The following GADL1 variants were observed in gnomAD, a reference collection of about 807,000 sequenced individuals.
GADL1 encodes the protein acidic amino acid decarboxylase GADL1.
Under a neutral mutation model 69.5 loss-of-function variants are expected in GADL1, and 71 were observed. That is an observed-to-expected ratio of 1.02 (90% CI 0.84 to 1.25). The LOEUF is 1.25. Among genes scored for constraint, GADL1 ranks in the 50% most tolerant of loss-of-function variants. The pLI, the probability that GADL1 is intolerant of heterozygous loss-of-function variation, is 0.00. For synonymous variants in GADL1, 254 were observed against 214.4 expected (o/e 1.18, Z -1.62); for missense variants, 737 against 631.8 (o/e 1.17, Z -1.79).
intron 11 of GADL1, among the ~76,000 whole-genome samples, chr3:30,818,604 A>T (rs1407151152): frequency 2.0e-5 from 3 of 152,198 alleles, no homozygotes; most frequent in East Asian, 1.9e-4. Flanking sequence ...ACCTCATTAA[A>T]TTTGAATTTC....
chr3:30,873,953 T>C (rs1339742179), intron 1 of GADL1, among the ~76,000 whole-genome samples: 2 of 151,918 alleles, frequency 1.3e-5, no homozygotes, highest in Non-Finnish European at 2.9e-5. Flanking sequence ...CTAAATGTGA[T>C]TGGAAAGTAC....
chr3:30,732,970 G>T (rs1575177106), intron 14 of GADL1, among the ~76,000 whole-genome samples: 1 of 152,168 alleles, frequency 6.6e-6, no homozygotes, highest in South Asian at 2.1e-4. Flanking sequence ...GGCACGGGAC[G>T]CAGGGGTTGT....
intron 6 of GADL1, among the ~76,000 whole-genome samples, chr3:30,848,852 G>T (rs545362617): frequency 6.6e-6 from 1 of 152,124 alleles, no homozygotes; most frequent in African/African-American, 2.4e-5. Context: ...CAACTACTGC[G>T]TGGTTGCTGG....
chr3:30,860,931 T>C (rs1268885144), intron 2 of GADL1, among the ~76,000 whole-genome samples: 2 of 151,958 alleles, frequency 1.3e-5, no homozygotes, highest in Non-Finnish European at 2.9e-5. Context: ...GTATCTGCCT[T>C]TTAGTGCTTT....
At chr3:30,831,821 G>A (rs1208084844) in intron 11 of GADL1, among the ~76,000 whole-genome samples, 1 of 151,944 alleles carries the variant, frequency 6.6e-6, no homozygotes, top group Non-Finnish European at 1.5e-5. Context: ...TAGGCAAGAA[G>A]AGAAGGAGGC....
chr3:30,751,652 T>A (rs1239772217), intron 14 of GADL1, among the ~76,000 whole-genome samples: 1 of 152,106 alleles, frequency 6.6e-6, no homozygotes, highest in Non-Finnish European at 1.5e-5. Flanking sequence ...TTTGAGGAAT[T>A]ATCTCCCTAT....
chr3:30,788,762 GCTCA>G (rs1218930347), intron 12 of GADL1, among the ~76,000 whole-genome samples: 1 of 152,080 alleles, frequency 6.6e-6, no homozygotes, highest in African/African-American at 2.4e-5. Flanking sequence ...TTCACAACAT[GCTCA>G]CTGAGTAGAT....
intron 11 of GADL1, among the ~76,000 whole-genome samples, chr3:30,805,616 CAA>C (rs1453378764): frequency 6.6e-6 from 1 of 151,880 alleles, no homozygotes; most frequent in East Asian, 1.9e-4. Flanking sequence ...TTCTCCTGAC[CAA>C]GATTAGCCAA....
intron 11 of GADL1, among the ~76,000 whole-genome samples, chr3:30,824,730 T>C (rs1199903697): frequency 6.6e-6 from 1 of 151,762 alleles, no homozygotes; most frequent in Non-Finnish European, 1.5e-5. Context: ...ATTCAAAAAC[T>C]AAAGTAAATT....
At chr3:30,758,159 A>G (rs1696024377) in intron 14 of GADL1, among the ~76,000 whole-genome samples, 1 of 152,166 alleles carries the variant, frequency 6.6e-6, no homozygotes, top group Non-Finnish European at 1.5e-5. Context: ...ACCATCAAAC[A>G]TCATGCCTTG....
chr3:30,771,110 T>G lies in GADL1; in HGVS notation c.1392+7069A>C, dbSNP rs143152309. Among the ~76,000 whole-genome samples, 406 of 152,290 alleles carry G rather than the reference T, an allele frequency of 2.7e-3. 2 individuals are homozygous for G. The highest frequency in any genetic ancestry group is 8.9e-3 in the African/African-American group (372 of 41,574). On this transcript the variant is annotated intron_variant, in intron 14 of 14. Transcript: ENST00000282538. ...GTTGGTTGGAATTGTATAAATCCAG[T>G]GGAGTATATTTAGAAAGACAATAAT... is the stretch of plus-strand genomic sequence containing the variant.
intron 14 of GADL1, among the ~76,000 whole-genome samples, chr3:30,739,948 A>G (rs57031138): frequency 0.089 from 13,499 of 152,218 alleles, 1,601 homozygotes; most frequent in African/African-American, 0.27. Context: ...TTTGATTTGC[A>G]CATTTTGAGA....
intron 11 of GADL1, among the ~76,000 whole-genome samples, chr3:30,816,169 T>G (rs1697465863): frequency 6.6e-6 from 1 of 152,040 alleles, no homozygotes; most frequent in Admixed American, 6.6e-5. Context: ...TAGAGGAATT[T>G]GCGATATGTA....
chr3:30,862,940 T>C (rs921372047), intron 1 of GADL1, among the ~76,000 whole-genome samples: 4 of 151,874 alleles, frequency 2.6e-5, no homozygotes, highest in Non-Finnish European at 2.9e-5. Context: ...CCAAGAAATG[T>C]AAATGTAACC....
Position 30,782,653 on chromosome 3 carries a change from C to G in GADL1, c.1302+3702G>C, listed in dbSNP as rs188674614. ...CAAAGAGGCTATTGATAACAAAGTT[C>G]TGAATGTGAAGACATTTCAGGGAGA... On this transcript the variant is annotated intron_variant, in intron 13 of 14. Coordinates refer to ENST00000282538, the MANE Select transcript of GADL1 (RefSeq NM_207359.3). 1.1e-3 allele frequency among the ~76,000 whole-genome samples: 161 copies of G among 152,168 alleles called. 1 individual carries two copies. Among genetic ancestry groups the G allele is most frequent in the Admixed American group, 1.8e-3 (28 of 15,280 alleles).
In GADL1 at chr3:30,790,495, C is replaced by T. The variant is rs11129423; in HGVS notation, c.1251-4089G>A. On this transcript the variant is annotated intron_variant, in intron 12 of 14. Transcript: ENST00000282538. Reference sequence around the variant, plus strand: ...TCAATTTGTAAAAACAACAAAACCCCCAAAACACAATATCTGGAAAATAAG... The same window carrying T: ...TCAATTTGTAAAAACAACAAAACCCTCAAAACACAATATCTGGAAAATAAG... 0.016 allele frequency among the ~76,000 whole-genome samples: 2,373 copies of T among 152,202 alleles called. 275 individuals are homozygous for T. The East Asian group carries it at 0.32, about 20-fold the overall frequency.
chr3:30,744,607 G>C (rs770979134), intron 14 of GADL1, among the ~76,000 whole-genome samples: 1 of 152,104 alleles, frequency 6.6e-6, no homozygotes, highest in Non-Finnish European at 1.5e-5. Context: ...CCAACTACTT[G>C]GGAGACCGAG....
rs1696681425 is a variant in GADL1, at chr3:30,782,248, GC to G, written c.1303-3981del. Among the ~76,000 whole-genome samples the G allele has an allele frequency of 2.6e-5, 4 of 152,286 alleles. No homozygotes were observed. In the South Asian group the frequency reaches 8.3e-4, roughly 32 times the overall value. On this transcript the variant is annotated intron_variant, in intron 13 of 14. Coordinates refer to ENST00000282538, the MANE Select transcript of GADL1 (RefSeq NM_207359.3). ...ATCTCATCTTTGAAAAGCTGCTCTA[GC>G]AGCAGTGTGGCAGTTAGGCTGGAGG...
chr3:30,737,398 T>A (rs534683115), intron 14 of GADL1, among the ~76,000 whole-genome samples: 33 of 152,288 alleles, frequency 2.2e-4, no homozygotes, highest in African/African-American at 7.7e-4. Context: ...TTAGCCAACT[T>A]TTTTGTTAAT....
Sources: gnomAD v4.1 joint callset for allele counts (sites outside exome capture counted in the v4.1 genomes callset) on GRCh38, gnomAD v4.1.1 for gene constraint, MANE v1.5 for transcripts, NCBI Gene and HGNC (gene_info 2026-07-23, HGNC 2026-07-21) for gene names.